Variants in UBE2D4 observed in about 807,000 individuals in gnomAD.
UBE2D4 encodes ubiquitin conjugating enzyme E2 D4.
A neutral mutation model predicts 23.0 loss-of-function variants in UBE2D4; 17 were observed. That is an observed-to-expected ratio of 0.74 (90% CI 0.51 to 1.11). UBE2D4 has a LOEUF of 1.11. Ranked by LOEUF, UBE2D4 falls within the 50% of genes least tolerant of loss-of-function variation. The pLI is 0.00. For synonymous variants in UBE2D4, 61 were observed against 69.4 expected, an observed-to-expected ratio of 0.88 and a Z score of 0.60; for missense variants, 139 against 181.8, an observed-to-expected ratio of 0.76 and a Z score of 1.35.
chr7:43,933,040 A>G (rs907234150), intron 1 of UBE2D4, among the ~76,000 whole-genome samples: 3 of 144,822 alleles, frequency 2.1e-5, no homozygotes, highest in Admixed American at 1.4e-4. Context: ...ACACATATGT[A>G]TGTGTGTATA....
In UBE2D4 at chr7:43,955,409, G is replaced by A. The variant is rs1462356067; in HGVS notation, c.*2714G>A. 1 of 152,200 alleles carries A rather than the reference G, an allele frequency of 6.6e-6. No individual in the cohort carries two copies. The highest frequency in any genetic ancestry group is 1.5e-5 in the Non-Finnish European group (1 of 68,036). The allele number at this position is 152,200 out of a possible 1,614,324, so 9.4% of individuals were successfully genotyped here. On this transcript the variant is annotated 3_prime_UTR_variant, in exon 7 of 7. Coordinates refer to ENST00000222402, the MANE Select transcript of UBE2D4 (RefSeq NM_015983.4). ...GAAGCGTCTGTGTTTGCTGAATGGA[G>A]CTGAGATTTTGATCCGCTATCAGAC...
chr7:43,946,975 A>G lies in UBE2D4; in HGVS notation c.199-1657A>G, dbSNP rs139873752. 7.9e-4 allele frequency among the ~76,000 whole-genome samples: 120 copies of G among 151,862 alleles called. 4 individuals carry two copies. In the East Asian group the frequency reaches 0.023, roughly 29 times the overall value. ...TACATGTGCCATGTTGGTTTGCTGC[A>G]CCCATCAACTCATCATTTACATTAC... On this transcript the variant is annotated intron_variant, in intron 4 of 6. Coordinates refer to ENST00000222402, the MANE Select transcript of UBE2D4 (RefSeq NM_015983.4).
At chr7:43,932,239 T>C (rs1341605542) in intron 1 of UBE2D4, among the ~76,000 whole-genome samples, 1 of 151,972 alleles carries the variant, frequency 6.6e-6, no homozygotes, top group Non-Finnish European at 1.5e-5. Context: ...TCCACCCGCC[T>C]TGGCCTCCCA....
At chr7:43,947,001 G>A (rs572396545) in intron 4 of UBE2D4, among the ~76,000 whole-genome samples, 5 of 152,036 alleles carry the variant, frequency 3.3e-5, no homozygotes, top group South Asian at 2.1e-4. Context: ...TTTACATTAC[G>A]TATTTCTCCT....
chr7:43,951,399 T>G (rs910903502), intron 6 of UBE2D4, among the ~76,000 whole-genome samples: 2 of 152,080 alleles, frequency 1.3e-5, no homozygotes, highest in African/African-American at 4.8e-5. Flanking sequence ...GTCCAGTGAG[T>G]GGTGTGAATC....
Position 43,955,417 on chromosome 7 carries a change from T to G in UBE2D4, c.*2722T>G, listed in dbSNP as rs887971212. ...TGTGTTTGCTGAATGGAGCTGAGAT[T>G]TTGATCCGCTATCAGACTCCAGAAA... On this transcript the variant is annotated 3_prime_UTR_variant, in exon 7 of 7. Transcript: ENST00000222402. 2.6e-5 allele frequency: 4 copies of G among 152,162 alleles called. No individual in the cohort carries two copies. Among genetic ancestry groups the G allele is most frequent in the Non-Finnish European group, 5.9e-5 (4 of 68,034 alleles). The allele number at this position is 152,162 out of a possible 1,614,324, so 9.4% of individuals were successfully genotyped here.
At chr7:43,935,912 T>TG (rs1231794437) in intron 1 of UBE2D4, among the ~76,000 whole-genome samples, 1 of 152,200 alleles carries the variant, frequency 6.6e-6, no homozygotes, top group Non-Finnish European at 1.5e-5. Flanking sequence ...GCGAAACTGT[T>TG]GGGGATTGGA....
chr7:43,939,099 C>T (rs2095965150), intron 2 of UBE2D4, among the ~76,000 whole-genome samples: 1 of 152,192 alleles, frequency 6.6e-6, no homozygotes, highest in African/African-American at 2.4e-5. Context: ...GGAAAGTGCC[C>T]TTGGCCAAGT....
chr7:43,938,819 G>A (rs1458073617), intron 2 of UBE2D4, among the ~76,000 whole-genome samples: 3 of 152,222 alleles, frequency 2.0e-5, no homozygotes, highest in Non-Finnish European at 4.4e-5. Context: ...CTGGGCAACA[G>A]ACTCTGTCTG....
At chr7:43,929,828 G>T (rs912938078) in intron 1 of UBE2D4, among the ~76,000 whole-genome samples, 1 of 152,202 alleles carries the variant, frequency 6.6e-6, no homozygotes, top group African/African-American at 2.4e-5. Context: ...AAAAACAACA[G>T]AATTGTAGGA....
In UBE2D4 at chr7:43,952,286, G is replaced by C. The variant is rs74937712; in HGVS notation, c.399-364G>C. On this transcript the variant is annotated intron_variant, in intron 6 of 6. Transcript: ENST00000222402. ...TTGTTCTGGAGTTTGTGTGCTGGACGGCCTGTAACTAGTACAAACTGACCT... is the reference window on the plus strand; with the variant it reads ...TTGTTCTGGAGTTTGTGTGCTGGACCGCCTGTAACTAGTACAAACTGACCT... 397 of 224,242 alleles carry C rather than the reference G, an allele frequency of 1.8e-3. 6 individuals are homozygous for C. The East Asian group carries it at 0.032, about 18-fold the overall frequency. 13.9% of individuals were successfully genotyped at this position (224,242 alleles called of 1,614,324 possible).
At chr7:43,948,329 C>G (rs921720503) in intron 4 of UBE2D4, among the ~76,000 whole-genome samples, 1 of 152,216 alleles carries the variant, frequency 6.6e-6, no homozygotes, top group Non-Finnish European at 1.5e-5. Context: ...ACTTCCTGGG[C>G]TTTTGAGTCC....
intron 4 of UBE2D4, chr7:43,946,015 C>CT (rs2095986247): frequency 6.6e-6 from 1 of 152,016 alleles, no homozygotes; most frequent in Non-Finnish European, 1.5e-5. Flanking sequence ...AACTCCTGAC[C>CT]TTGTGATCCA....
At chr7:43,950,083 C>T (rs970642749) in intron 5 of UBE2D4, among the ~76,000 whole-genome samples, 5 of 151,934 alleles carry the variant, frequency 3.3e-5, no homozygotes, top group African/African-American at 7.3e-5. Context: ...CTTGAACTCC[C>T]GACCTCAGGT....
intron 4 of UBE2D4, among the ~76,000 whole-genome samples, chr7:43,946,796 G>C (rs1434377584): frequency 6.6e-6 from 1 of 152,010 alleles, no homozygotes; most frequent in Non-Finnish European, 1.5e-5. Context: ...TTCTGAGAAG[G>C]GGGGGTCTTA....
At chr7:43,937,536 G>A (rs1321710847) in intron 1 of UBE2D4, among the ~76,000 whole-genome samples, 3 of 152,148 alleles carry the variant, frequency 2.0e-5, no homozygotes, top group Admixed American at 1.3e-4. Context: ...GATACTAATC[G>A]AGAATTGGCC....
intron 2 of UBE2D4, among the ~76,000 whole-genome samples, chr7:43,938,904 C>T (rs1037939623): frequency 2.0e-5 from 3 of 152,208 alleles, no homozygotes; most frequent in Non-Finnish European, 4.4e-5. Flanking sequence ...CCAATCAATG[C>T]TTTTCCCTTC....
intron 1 of UBE2D4, among the ~76,000 whole-genome samples, chr7:43,930,958 C>T (rs943402854): frequency 2.6e-5 from 4 of 151,640 alleles, no homozygotes; most frequent in Non-Finnish European, 5.9e-5. Flanking sequence ...ACCCCATATC[C>T]ACTAAAAATA....
At chr7:43,927,208 T>C (rs1166713578) in intron 1 of UBE2D4, among the ~76,000 whole-genome samples, 9 of 152,234 alleles carry the variant, frequency 5.9e-5, no homozygotes, top group Admixed American at 5.9e-4. Context: ...CTTCAGTTTT[T>C]TTTCTATATT....
Sources: allele counts gnomAD v4.1 joint callset (sites outside exome capture counted in the v4.1 genomes callset), GRCh38; gene constraint gnomAD v4.1.1; transcripts MANE v1.5; gene names NCBI Gene and HGNC (gene_info 2026-07-23, HGNC 2026-07-21).